The following CHN1 variants were observed in gnomAD, a reference collection of about 807,000 sequenced individuals.
CHN1 encodes the protein N-chimaerin.
CHN1 carries 37 observed loss-of-function variants against 59.5 expected under a neutral mutation model. The observed-to-expected ratio is 0.62, with a 90% CI of 0.48 to 0.82. The LOEUF (loss-of-function observed/expected upper bound fraction) is 0.82. Ranked by LOEUF, CHN1 falls within the 40% of genes least tolerant of loss-of-function variation. The pLI is 0.00. For missense variants in CHN1, 469 were observed against 571.0 expected, an observed-to-expected ratio of 0.82 and a Z score of 1.82; for synonymous variants, 206 against 200.4, an observed-to-expected ratio of 1.03 and a Z score of -0.24.
chr2:174,929,417 A>C (rs1366192746), intron 3 of CHN1, among the ~76,000 whole-genome samples: 1 of 151,994 alleles, frequency 6.6e-6, no homozygotes, highest in African/African-American at 2.4e-5. Context: ...GCCTCTACTA[A>C]AAATACAAAA....
chr2:175,000,577 G>T (rs1691859821), intron 1 of CHN1, among the ~76,000 whole-genome samples: 2 of 152,010 alleles, frequency 1.3e-5, no homozygotes, highest in Admixed American at 6.6e-5. Flanking sequence ...CCAAGTAGCT[G>T]GGACTACAGA....
chr2:174,963,771 C>T (rs989839823), intron 1 of CHN1, among the ~76,000 whole-genome samples: 8 of 152,132 alleles, frequency 5.3e-5, no homozygotes, highest in African/African-American at 1.9e-4. Context: ...GAAAGCAAAC[C>T]AGGCAACAGG....
At chr2:174,970,757 G>C (rs1690733660) in intron 1 of CHN1, among the ~76,000 whole-genome samples, 1 of 152,112 alleles carries the variant, frequency 6.6e-6, no homozygotes, top group African/African-American at 2.4e-5. Context: ...AGTCTACATT[G>C]CAATTGACCT....
chr2:175,005,079 C>G lies in CHN1; in HGVS notation c.-167G>C, dbSNP rs924489681. ...GGCTGCAGGCCGGGACGCGGGGGAC[C>G]GCTGCAAGAAAAAGTTATTCACGCG... On this transcript the variant is annotated 5_prime_UTR_variant, in exon 1 of 13. Coordinates refer to ENST00000409900, the MANE Select transcript of CHN1 (RefSeq NM_001822.7). 8.2e-6 allele frequency: 11 copies of G among 1,335,086 alleles called. No individual in the cohort carries two copies. Among genetic ancestry groups the G allele is most frequent in the African/African-American group, 4.7e-5 (3 of 64,360 alleles). 82.7% of individuals were successfully genotyped at this position (1,335,086 alleles called of 1,614,324 possible).
At chr2:174,906,881 A>C (rs765046384) in intron 5 of CHN1, among the ~76,000 whole-genome samples, 2 of 152,204 alleles carry the variant, frequency 1.3e-5, no homozygotes, top group Non-Finnish European at 2.9e-5. Flanking sequence ...TCATTGATCA[A>C]AAACGGGTGT....
intron 1 of CHN1, among the ~76,000 whole-genome samples, chr2:174,989,008 T>A (rs1363841583): frequency 6.6e-6 from 1 of 152,212 alleles, no homozygotes; most frequent in African/African-American, 2.4e-5. Context: ...AAAGTCTTCA[T>A]CTCTCAATCT....
intron 7 of CHN1, among the ~76,000 whole-genome samples, chr2:174,841,450 G>GT (rs1686298780): frequency 2.6e-5 from 4 of 152,164 alleles, no homozygotes; most frequent in African/African-American, 9.7e-5. Context: ...TGTTTACAGG[G>GT]ACTTTAAAGA....
chr2:174,846,546 A>G lies in CHN1; in HGVS notation c.627+334T>C, dbSNP rs895449407. 5 of 1,244,804 alleles carry G rather than the reference A, an allele frequency of 4.0e-6. No homozygotes were observed. In the African/African-American group the frequency reaches 6.1e-5, roughly 15 times the overall value. The allele number at this position is 1,244,804 out of a possible 1,614,324, so 77.1% of individuals were successfully genotyped here. Reference sequence around the variant, plus strand: ...ATCTAATCCTCTCATAAAATCTCCAACAGAGGTATTCAGACACATTTGTAT... The same window carrying G: ...ATCTAATCCTCTCATAAAATCTCCAGCAGAGGTATTCAGACACATTTGTAT... On this transcript the variant is annotated intron_variant, in intron 7 of 12. Coordinates refer to ENST00000409900, the MANE Select transcript of CHN1 (RefSeq NM_001822.7).
At chr2:174,891,768 C>T (rs770477574) in intron 5 of CHN1, among the ~76,000 whole-genome samples, 2 of 151,590 alleles carry the variant, frequency 1.3e-5, no homozygotes, top group Non-Finnish European at 2.9e-5. Flanking sequence ...AAGGTAATAG[C>T]AGTGATTAGA....
At chr2:174,931,892 T>C (rs1031971453) in intron 3 of CHN1, among the ~76,000 whole-genome samples, 1 of 152,056 alleles carries the variant, frequency 6.6e-6, no homozygotes, top group Non-Finnish European at 1.5e-5. Flanking sequence ...CTGAGAAGCA[T>C]GAAGACTGGT....
At chr2:174,998,828 A>G (rs1447448718) in intron 1 of CHN1, among the ~76,000 whole-genome samples, 2 of 152,216 alleles carry the variant, frequency 1.3e-5, no homozygotes, top group African/African-American at 2.4e-5. Flanking sequence ...AAGCTCTTAA[A>G]GGTTCTTGGA....
intron 7 of CHN1, among the ~76,000 whole-genome samples, chr2:174,827,439 A>G (rs1363742965): frequency 6.6e-6 from 1 of 152,224 alleles, no homozygotes; most frequent in Non-Finnish European, 1.5e-5. Flanking sequence ...GACACGAGGC[A>G]TGAGAGAAAC....
chr2:174,846,790 C>G, intron 7 of CHN1, 90 bp downstream of exon 7: 1 of 1,246,790 alleles, frequency 8.0e-7, no homozygotes. Flanking sequence ...TCAAGTCATC[C>G]TAGTTTTAAA....
At chr2:174,844,184 T>G (rs962702739) in intron 7 of CHN1, among the ~76,000 whole-genome samples, 1 of 145,242 alleles carries the variant, frequency 6.9e-6, no homozygotes, top group Non-Finnish European at 1.5e-5. Context: ...TCTCAAATCC[T>G]TATAAGTAAC....
chr2:174,851,571 C>A (rs1266611898), intron 6 of CHN1, among the ~76,000 whole-genome samples: 1 of 152,034 alleles, frequency 6.6e-6, no homozygotes, highest in Admixed American at 6.6e-5. Context: ...CGTGAGCCAT[C>A]GCACCCAGTG....
At chr2:174,952,710 T>C (rs1261579510) in intron 1 of CHN1, among the ~76,000 whole-genome samples, 1 of 152,106 alleles carries the variant, frequency 6.6e-6, no homozygotes, top group Admixed American at 6.5e-5. Flanking sequence ...AAGGTTCAGA[T>C]CTCAGTCCTC....
chr2:174,832,639 C>G (rs572684174), intron 7 of CHN1, among the ~76,000 whole-genome samples: 15 of 152,062 alleles, frequency 9.9e-5, no homozygotes, highest in African/African-American at 3.6e-4. Context: ...TTAGTGATTT[C>G]AAATTTAATT....
At chr2:174,893,692 A>G (rs1688122847) in intron 5 of CHN1, among the ~76,000 whole-genome samples, 1 of 152,152 alleles carries the variant, frequency 6.6e-6, no homozygotes, top group African/African-American at 2.4e-5. Context: ...GGGAAAGACA[A>G]ACAAGGCTGG....
Position 174,996,383 on chromosome 2 carries a change from T to G in CHN1, c.19+8511A>C, listed in dbSNP as rs531070764. On this transcript the variant is annotated intron_variant, in intron 1 of 12. Transcript: ENST00000409900. ...CAACAGACTTGTTAAATGGAGAAAT[T>G]GTTCTGGTATCTTCAATCTTTGTTA... is the stretch of plus-strand genomic sequence containing the variant. 1.4e-4 allele frequency among the ~76,000 whole-genome samples: 21 copies of G among 152,350 alleles called. No homozygotes were observed. The South Asian group carries it at 4.4e-3, about 32-fold the overall frequency.
Sources: gnomAD v4.1 joint callset for allele counts (sites outside exome capture counted in the v4.1 genomes callset) on GRCh38, gnomAD v4.1.1 for gene constraint, MANE v1.5 for transcripts, NCBI Gene and HGNC (gene_info 2026-07-23, HGNC 2026-07-21) for gene names.